KCNU1: variants seen among roughly 807,000 people sequenced by gnomAD.
KCNU1 encodes potassium calcium-activated channel subfamily U member 1.
KCNU1 carries 93 observed loss-of-function variants against 126.8 expected under a neutral mutation model. That is an observed-to-expected ratio of 0.73 (90% CI 0.62 to 0.87). KCNU1 has a LOEUF of 0.87. Ranked by LOEUF, KCNU1 falls within the 40% of genes least tolerant of loss-of-function variation. The pLI, the probability that KCNU1 is intolerant of heterozygous loss-of-function variation, is 0.00. For missense variants in KCNU1, 1,330 were observed against 1,367.1 expected, an observed-to-expected ratio of 0.97 and a Z score of 0.43; for synonymous variants, 523 against 494.2, an observed-to-expected ratio of 1.06 and a Z score of -0.77.
chr8:36,802,878 G>A (rs1193275867), intron 2 of KCNU1, among the ~76,000 whole-genome samples: 2 of 152,164 alleles, frequency 1.3e-5, no homozygotes, highest in African/African-American at 4.8e-5. Context: ...ATTGATCACT[G>A]ATGAACAGAA....
chr8:36,847,185 G>T (rs988732492), intron 18 of KCNU1, among the ~76,000 whole-genome samples: 1 of 152,104 alleles, frequency 6.6e-6, no homozygotes, highest in African/African-American at 2.4e-5. Flanking sequence ...CTTTTCAGTA[G>T]TCCTTGTCTT....
intron 1 of KCNU1, among the ~76,000 whole-genome samples, chr8:36,785,156 C>T (rs188094899): frequency 6.6e-6 from 1 of 152,186 alleles, no homozygotes; most frequent in East Asian, 1.9e-4. Flanking sequence ...TTCTTATACC[C>T]AAACAAGCTT....
At chr8:36,815,394 T>G (rs781530625) in intron 8 of KCNU1, among the ~76,000 whole-genome samples, 3 of 152,178 alleles carry the variant, frequency 2.0e-5, no homozygotes, top group Non-Finnish European at 4.4e-5. Context: ...TCATTTTGAA[T>G]ACAGAAAAGC....
chr8:36,876,475 C>T (rs1247170577), intron 19 of KCNU1, among the ~76,000 whole-genome samples: 1 of 152,218 alleles, frequency 6.6e-6, no homozygotes, highest in Non-Finnish European at 1.5e-5. Context: ...CAGATCATCT[C>T]TGTCAACCCT....
chr8:36,873,494 C>T (rs898188146), intron 19 of KCNU1, among the ~76,000 whole-genome samples: 19 of 152,272 alleles, frequency 1.2e-4, no homozygotes, highest in East Asian at 1.9e-4. Flanking sequence ...ATTATTTATA[C>T]GTTTTAAAAT....
At chr8:36,852,549 C>T (rs1805387997) in intron 18 of KCNU1, among the ~76,000 whole-genome samples, 1 of 152,034 alleles carries the variant, frequency 6.6e-6, no homozygotes, top group African/African-American at 2.4e-5. Flanking sequence ...ATAAGTTTTT[C>T]AGGTTTTCTA....
chr8:36,836,925 T>G lies in KCNU1; in HGVS notation c.1498T>G (p.Phe500Val), dbSNP rs1167107091. The change falls in exon 14 of 27, where the codon TTT becomes GTT. Residue 500 changes from phenylalanine to valine, a missense_variant. Coordinates refer to ENST00000399881, the MANE Select transcript of KCNU1 (RefSeq NM_001031836.3). The stretch of plus-strand genomic sequence containing the variant: ...CTTGTGTACCTTCCTAACATCTCTA[T>G]TTGTGGAGCAAAACAAAAAGGTAAC... ...PGLCTFLTSLFVEQNKKVMPK... is the reference protein window; with the variant it reads ...PGLCTFLTSLVVEQNKKVMPK... 2.5e-6 allele frequency: 4 copies of G among 1,613,718 alleles called. No homozygotes were observed. Among genetic ancestry groups the G allele is most frequent in the African/African-American group, 2.7e-5 (2 of 74,916 alleles).
intron 12 of KCNU1, 131 bp downstream of exon 12, chr8:36,834,999 T>C: frequency 1.6e-6 from 1 of 630,758 alleles, no homozygotes; most frequent in Non-Finnish European, 2.7e-6. Flanking sequence ...ATTCCAAGGT[T>C]CTGCCTACTT....
intron 19 of KCNU1, among the ~76,000 whole-genome samples, chr8:36,903,443 G>A (rs1807498354): frequency 1.3e-5 from 2 of 152,138 alleles, no homozygotes; most frequent in African/African-American, 4.8e-5. Flanking sequence ...TCTGAGATGA[G>A]CAGGACTGAA....
chr8:36,895,962 T>C (rs1807172763), intron 19 of KCNU1, among the ~76,000 whole-genome samples: 1 of 152,084 alleles, frequency 6.6e-6, no homozygotes, highest in Non-Finnish European at 1.5e-5. Flanking sequence ...TGGTATTTGA[T>C]AGTACCTATC....
chr8:36,812,200 G>A (rs1803744381), intron 7 of KCNU1, among the ~76,000 whole-genome samples: 1 of 151,542 alleles, frequency 6.6e-6, no homozygotes. Flanking sequence ...GCCGACATGG[G>A]GAAAACCTGT....
At chr8:36,853,623 G>A (rs372460918) in intron 18 of KCNU1, among the ~76,000 whole-genome samples, 14 of 151,982 alleles carry the variant, frequency 9.2e-5, no homozygotes, top group African/African-American at 3.4e-4. Flanking sequence ...AGCATACTTT[G>A]TATGACAAAT....
intron 25 of KCNU1, among the ~76,000 whole-genome samples, chr8:36,932,665 CA>C (rs3831372): frequency 0.058 from 8,748 of 152,072 alleles, 333 homozygotes; most frequent in Non-Finnish European, 0.087. Flanking sequence ...TAAGGACAAG[CA>C]CAACAACATG....
At chr8:36,905,577 A>G (rs1473189098) in intron 19 of KCNU1, 131 bp from the exon 20 acceptor site, 13 of 658,816 alleles carry the variant, frequency 2.0e-5, no homozygotes, top group Non-Finnish European at 3.6e-5. Flanking sequence ...CTAGAGTCTT[A>G]CAGACCTGAG....
intron 18 of KCNU1, among the ~76,000 whole-genome samples, chr8:36,853,459 A>T (rs1388027841): frequency 3.9e-5 from 6 of 152,234 alleles, no homozygotes; most frequent in Non-Finnish European, 7.3e-5. Flanking sequence ...TCATTAATTT[A>T]AAATACTTTA....
chr8:36,833,305 C>T (rs1804622615), intron 10 of KCNU1, among the ~76,000 whole-genome samples: 1 of 151,980 alleles, frequency 6.6e-6, no homozygotes, highest in African/African-American at 2.4e-5. Context: ...ATTTAAAAGC[C>T]ATTTTATTAA....
At chr8:36,916,667 G>T (rs2117560024) in intron 22 of KCNU1, among the ~76,000 whole-genome samples, 1 of 152,284 alleles carries the variant, frequency 6.6e-6, no homozygotes, top group Non-Finnish European at 1.5e-5. Context: ...ATGATCTCTA[G>T]CCATCTGTGT....
At chr8:36,913,509 C>G (rs183897054) in intron 22 of KCNU1, among the ~76,000 whole-genome samples, 1 of 151,654 alleles carries the variant, frequency 6.6e-6, no homozygotes, top group East Asian at 1.9e-4. Flanking sequence ...ATTTGTGTGA[C>G]GGGGAAATAT....
chr8:36,857,877 C>T (rs1049829282), intron 18 of KCNU1, among the ~76,000 whole-genome samples: 5 of 152,068 alleles, frequency 3.3e-5, no homozygotes, highest in African/African-American at 1.2e-4. Flanking sequence ...AACTCCTGAC[C>T]TCAGGTGAGC....
Sources: gnomAD v4.1 joint callset for allele counts (sites outside exome capture counted in the v4.1 genomes callset) on GRCh38, gnomAD v4.1.1 for gene constraint, MANE v1.5 for transcripts, NCBI Gene and HGNC (gene_info 2026-07-23, HGNC 2026-07-21) for gene names.